Variants in ANO4 observed in about 807,000 individuals in gnomAD.
ANO4 encodes anoctamin 4, also known as anoctamin-4.
In ANO4, 69 loss-of-function variants were observed where a neutral mutation model predicts 141.9. That is an observed-to-expected ratio of 0.49 (90% CI 0.40 to 0.59). ANO4 has a LOEUF of 0.59. ANO4 is among the 20% of genes least tolerant of loss of function. The probability of loss-of-function intolerance (pLI) is 0.00; values close to 1 mark genes in which losing one functional copy is unlikely to be tolerated. For synonymous variants in ANO4, 350 were observed against 394.3 expected (o/e 0.89, Z 1.33); for missense variants, 894 against 1,162.2 (o/e 0.77, Z 3.36).
intron 1 of ANO4, among the ~76,000 whole-genome samples, chr12:100,858,738 A>G (rs1018372106): frequency 5.3e-5 from 8 of 152,062 alleles, no homozygotes; most frequent in African/African-American, 1.9e-4. Flanking sequence ...TTTGGGGTCC[A>G]TTTTCCCTCA....
intron 1 of ANO4, among the ~76,000 whole-genome samples, chr12:100,871,106 G>T (rs2039011495): frequency 6.6e-6 from 1 of 152,094 alleles, no homozygotes. Flanking sequence ...TGGTCTGTCT[G>T]CATTCATCAC....
chr12:100,747,670 C>T (rs1025759004), intron 3 of ANO4, among the ~76,000 whole-genome samples: 5 of 152,160 alleles, frequency 3.3e-5, no homozygotes, highest in South Asian at 2.1e-4. Context: ...GTCAGGAGTT[C>T]GAGATCACCT....
intron 1 of ANO4, among the ~76,000 whole-genome samples, chr12:100,801,061 C>G (rs191888484): frequency 6.6e-6 from 1 of 152,076 alleles, no homozygotes; most frequent in Admixed American, 6.6e-5. Flanking sequence ...TGTTCTGTAT[C>G]CCTCAGGACC....
At position 100,970,693 on chromosome 12, in the gene ANO4, C is replaced by A. The variant is rs887663673; in HGVS notation, c.457-613C>A. On this transcript the variant is annotated intron_variant, in intron 5 of 27. Coordinates refer to ENST00000392977, the MANE Select transcript of ANO4 (RefSeq NM_001286615.2). The stretch of plus-strand genomic sequence containing the variant: ...TCCTTCCTTCCTTCCTTCCTTCCTT[C>A]CTTCCTTCCTTCCTTCCTTCCTTCC... Among the ~76,000 whole-genome samples, 645 of 125,036 alleles carry A rather than the reference C, an allele frequency of 5.2e-3. 12 individuals carry two copies. Among genetic ancestry groups the A allele is most frequent in the African/African-American group, 0.018 (593 of 32,882 alleles). 82.0% of individuals were successfully genotyped at this position (125,036 alleles called of 152,430 possible). A position where few individuals can be genotyped will look rare whatever the true frequency, so the allele number is the denominator to read the frequency against.
intron 1 of ANO4, among the ~76,000 whole-genome samples, chr12:100,886,634 C>A (rs1274759707): frequency 6.6e-6 from 1 of 152,146 alleles, no homozygotes; most frequent in African/African-American, 2.4e-5. Flanking sequence ...GGTCAGCAAA[C>A]TACAGCCCAC....
At chr12:100,774,941 G>A (rs2033440848) in intron 3 of ANO4, among the ~76,000 whole-genome samples, 1 of 152,184 alleles carries the variant, frequency 6.6e-6, no homozygotes, top group Non-Finnish European at 1.5e-5. Context: ...TAAGAATCAA[G>A]TGTAATTTCT....
intron 1 of ANO4, among the ~76,000 whole-genome samples, chr12:100,857,142 C>T (rs1460390842): frequency 2.0e-5 from 3 of 152,052 alleles, no homozygotes; most frequent in African/African-American, 7.2e-5. Context: ...GAGAGAACAT[C>T]CAGGGACATT....
At chr12:101,085,870 T>C (rs2049471399) in intron 16 of ANO4, among the ~76,000 whole-genome samples, 1 of 152,168 alleles carries the variant, frequency 6.6e-6, no homozygotes, top group Admixed American at 6.5e-5. Flanking sequence ...TTCCCTGTCC[T>C]TATGGAGCTT....
intron 3 of ANO4, among the ~76,000 whole-genome samples, chr12:100,749,666 G>T (rs188724734): frequency 2.6e-5 from 4 of 152,316 alleles, no homozygotes; most frequent in Admixed American, 6.5e-5. Context: ...GTTACTTGGG[G>T]ATTTCTAATA....
chr12:100,980,276 A>G (rs1383993815), intron 7 of ANO4, among the ~76,000 whole-genome samples: 1 of 152,188 alleles, frequency 6.6e-6, no homozygotes, highest in East Asian at 1.9e-4. Flanking sequence ...TAAGTCTTTG[A>G]TATCACTGGG....
chr12:101,017,854 C>T (rs1054871166), intron 8 of ANO4, among the ~76,000 whole-genome samples: 1 of 152,158 alleles, frequency 6.6e-6, no homozygotes, highest in Non-Finnish European at 1.5e-5. Context: ...GGCACATGCC[C>T]TGTGTGTGTA....
At chr12:100,807,490 G>T (rs1205322058) in intron 1 of ANO4, among the ~76,000 whole-genome samples, 1 of 152,016 alleles carries the variant, frequency 6.6e-6, no homozygotes, top group Non-Finnish European at 1.5e-5. Context: ...ATAAACTTTA[G>T]AAATTGTCTC....
intron 2 of ANO4, among the ~76,000 whole-genome samples, chr12:100,904,895 A>T (rs2040765778): frequency 6.6e-6 from 1 of 152,230 alleles, no homozygotes; most frequent in African/African-American, 2.4e-5. Context: ...TCTGACTAGG[A>T]ACAGCAGAAG....
intron 9 of ANO4, among the ~76,000 whole-genome samples, chr12:101,023,841 G>A (rs1343942494): frequency 4.6e-5 from 7 of 152,114 alleles, no homozygotes; most frequent in Admixed American, 4.6e-4. Context: ...ATCATCTTTG[G>A]TTTTGTAAAT....
chr12:100,989,471 T>C (rs1277913315), intron 8 of ANO4, among the ~76,000 whole-genome samples: 1 of 152,178 alleles, frequency 6.6e-6, no homozygotes, highest in Non-Finnish European at 1.5e-5. Context: ...TATGATAGAG[T>C]TCCTAGCACA....
Position 100,972,952 on chromosome 12 carries a change from T to C in ANO4, c.557+1546T>C, listed in dbSNP as rs556617916. 1.2e-4 allele frequency among the ~76,000 whole-genome samples: 18 copies of C among 152,334 alleles called. 1 individual carries two copies. The South Asian group carries it at 3.7e-3, about 32-fold the overall frequency. On this transcript the variant is annotated intron_variant, in intron 6 of 27. Coordinates refer to ENST00000392977, the MANE Select transcript of ANO4 (RefSeq NM_001286615.2). ...GCCTGGCCACATCATGAATAACACT[T>C]CTGCATGCCTACTACACAGCAGAAA...
At chr12:100,896,023 A>G (rs947800056) in intron 1 of ANO4, among the ~76,000 whole-genome samples, 2 of 152,116 alleles carry the variant, frequency 1.3e-5, no homozygotes, top group African/African-American at 4.8e-5. Flanking sequence ...CACAGAGATT[A>G]CAGATGGAGA....
In ANO4 at chr12:101,104,110, T is replaced by C. The variant is rs146119869; in HGVS notation, c.2149+4390T>C. ...TTTCTTTCACTTATAATTTCATAGT[T>C]TGTGCTTTTCTCCCTTTTTTAAAAC... On this transcript the variant is annotated intron_variant, in intron 22 of 27. Coordinates refer to ENST00000392977, the MANE Select transcript of ANO4 (RefSeq NM_001286615.2). 2.4e-3 allele frequency among the ~76,000 whole-genome samples: 360 copies of C among 152,108 alleles called. 2 individuals are homozygous for C. The highest frequency in any genetic ancestry group is 7.5e-3 in the African/African-American group (313 of 41,566).
At chr12:100,981,495 AAGAAAAGAAAAG>A (rs992949064) in intron 7 of ANO4, among the ~76,000 whole-genome samples, 1 of 151,978 alleles carries the variant, frequency 6.6e-6, no homozygotes, top group Non-Finnish European at 1.5e-5. Flanking sequence ...AGGAAGGGAA[AAGAAAAGAAAAG>A]AGAAAAGAAA....
Sources: allele counts gnomAD v4.1 joint callset (sites outside exome capture counted in the v4.1 genomes callset), GRCh38; gene constraint gnomAD v4.1.1; transcripts MANE v1.5; gene names NCBI Gene and HGNC (gene_info 2026-07-23, HGNC 2026-07-21).